Variants in NRXN3 observed in about 807,000 individuals in gnomAD.
NRXN3 encodes the protein neurexin 3.
In NRXN3, 32 loss-of-function variants were observed where a neutral mutation model predicts 137.6. The observed-to-expected ratio is 0.23, with a 90% confidence interval of 0.18 to 0.31. The LOEUF (loss-of-function observed/expected upper bound fraction) is 0.31, where lower values mean the gene tolerates loss of function less well. Among genes scored for constraint, NRXN3 ranks in the 10% least tolerant of loss-of-function variants. The pLI, the probability that NRXN3 is intolerant of heterozygous loss-of-function variation, is 1.00. For synonymous variants in NRXN3, 798 were observed against 784.5 expected, an observed-to-expected ratio of 1.02 and a Z score of -0.29; for missense variants, 1,574 against 2,062.5, an observed-to-expected ratio of 0.76 and a Z score of 4.59.
At chr14:79,453,226 G>C (rs1409929199) in intron 15 of NRXN3, among the ~76,000 whole-genome samples, 2 of 152,124 alleles carry the variant, frequency 1.3e-5, no homozygotes, top group Non-Finnish European at 2.9e-5. Context: ...TCAGGAGTTT[G>C]AGACCAGCCT....
At chr14:79,517,093 C>CA (rs368567195) in intron 16 of NRXN3, among the ~76,000 whole-genome samples, 1 of 23,350 alleles carries the variant, frequency 4.3e-5, no homozygotes, top group East Asian at 8.4e-4. Context: ...AAATGTACAG[C>CA]CCCCCCCCCC....
chr14:78,493,178 A>G (rs1189394389), intron 4 of NRXN3, among the ~76,000 whole-genome samples: 1 of 152,056 alleles, frequency 6.6e-6, no homozygotes, highest in Non-Finnish European at 1.5e-5. Flanking sequence ...CCCAACTCCT[A>G]GCCACTTCAG....
At chr14:79,073,304 T>C (rs2099690741) in intron 15 of NRXN3, among the ~76,000 whole-genome samples, 1 of 152,168 alleles carries the variant, frequency 6.6e-6, no homozygotes, top group African/African-American at 2.4e-5. Context: ...ATTCTACAGA[T>C]AGAGTTTAGA....
chr14:79,865,376 C>T lies in NRXN3; in HGVS notation c.*3412C>T, dbSNP rs991573921. 8 of 152,198 alleles carry T rather than the reference C, an allele frequency of 5.3e-5. No individual in the cohort carries two copies. The highest frequency in any genetic ancestry group is 1.9e-4 in the African/African-American group (8 of 41,452). 9.4% of individuals were successfully genotyped at this position (152,198 alleles called of 1,614,324 possible). A position where few individuals can be genotyped will look rare whatever the true frequency, so the allele number is the denominator to read the frequency against. ...TTACTTGGCCAATTGGATAATCCATCTACCCTTTGTTCTTCACTGTAATCT... is the reference window on the plus strand; with the variant it reads ...TTACTTGGCCAATTGGATAATCCATTTACCCTTTGTTCTTCACTGTAATCT... On this transcript the variant is annotated 3_prime_UTR_variant, in exon 21 of 21. Coordinates refer to ENST00000335750, the MANE Select transcript of NRXN3 (RefSeq NM_001330195.2).
chr14:79,388,627 G>T (rs375675224), intron 15 of NRXN3, among the ~76,000 whole-genome samples: 9 of 151,958 alleles, frequency 5.9e-5, no homozygotes, highest in Admixed American at 5.9e-4. Flanking sequence ...GCTAGATCTC[G>T]GTTCATTCTG....
chr14:78,461,596 T>G (rs1438180277), intron 4 of NRXN3, among the ~76,000 whole-genome samples: 3 of 152,226 alleles, frequency 2.0e-5, no homozygotes, highest in Non-Finnish European at 4.4e-5. Context: ...CCATTTTTAG[T>G]GTCTGTCCAT....
intron 15 of NRXN3, among the ~76,000 whole-genome samples, chr14:79,378,274 A>G (rs964335340): frequency 6.6e-6 from 1 of 152,166 alleles, no homozygotes; most frequent in African/African-American, 2.4e-5. Flanking sequence ...CACACAGACC[A>G]CATACAATTT....
chr14:79,469,717 G>GA (rs1268491286), intron 16 of NRXN3, among the ~76,000 whole-genome samples: 1 of 152,066 alleles, frequency 6.6e-6, no homozygotes, highest in Non-Finnish European at 1.5e-5. Flanking sequence ...CAGAAAAAAG[G>GA]AAAAAAGGAT....
At chr14:79,416,047 A>G (rs1005808948) in intron 15 of NRXN3, among the ~76,000 whole-genome samples, 5 of 152,116 alleles carry the variant, frequency 3.3e-5, no homozygotes, top group African/African-American at 2.4e-5. Context: ...TATGAAGCTT[A>G]AAATAAAGTG....
chr14:79,662,581 A>G (rs1023459444), intron 16 of NRXN3, among the ~76,000 whole-genome samples: 5 of 152,168 alleles, frequency 3.3e-5, no homozygotes, highest in Non-Finnish European at 7.3e-5. Flanking sequence ...TCACATTGCT[A>G]TAAAGAAATA....
At chr14:78,967,183 T>TG in intron 12 of NRXN3, 25 bp from the exon 13 acceptor site, 2 of 1,511,306 alleles carry the variant, frequency 1.3e-6, no homozygotes, top group Non-Finnish European at 1.8e-6. Context: ...TTCCAATTAT[T>TG]GTTTTTTTTT....
At chr14:78,720,328 A>G (rs2098453961) in intron 8 of NRXN3, among the ~76,000 whole-genome samples, 1 of 152,196 alleles carries the variant, frequency 6.6e-6, no homozygotes, top group Admixed American at 6.5e-5. Flanking sequence ...ATTAATAGCT[A>G]CTTAATACAT....
At chr14:78,699,593 T>C (rs999651384) in intron 6 of NRXN3, among the ~76,000 whole-genome samples, 1 of 152,218 alleles carries the variant, frequency 6.6e-6, no homozygotes. Context: ...TTCGTCATCT[T>C]TTTAATCAAA....
At chr14:79,679,076 T>C (rs1342084947) in intron 17 of NRXN3, among the ~76,000 whole-genome samples, 1 of 152,094 alleles carries the variant, frequency 6.6e-6, no homozygotes, top group Non-Finnish European at 1.5e-5. Flanking sequence ...ATTCACATCT[T>C]TTATTATTAG....
chr14:79,469,380 T>G (rs1035780543), intron 16 of NRXN3, among the ~76,000 whole-genome samples: 1 of 151,770 alleles, frequency 6.6e-6, no homozygotes, highest in Admixed American at 6.6e-5. Flanking sequence ...TCCAGTATAT[T>G]TTAATATACC....
At chr14:79,195,935 A>T (rs904531198) in intron 15 of NRXN3, among the ~76,000 whole-genome samples, 3 of 152,174 alleles carry the variant, frequency 2.0e-5, no homozygotes, top group African/African-American at 7.2e-5. Context: ...AATAGTACTA[A>T]TGTATTTTTA....
chr14:78,382,311 G>C (rs866594144), intron 4 of NRXN3, among the ~76,000 whole-genome samples: 1 of 152,170 alleles, frequency 6.6e-6, no homozygotes, highest in Non-Finnish European at 1.5e-5. Context: ...GTGGAAGAGA[G>C]GATTTGTGGG....
intron 19 of NRXN3, among the ~76,000 whole-genome samples, chr14:79,761,883 A>T (rs1391734900): frequency 6.6e-6 from 1 of 151,630 alleles, no homozygotes; most frequent in Non-Finnish European, 1.5e-5. Context: ...AGGATGTCTT[A>T]TCTATCAGAC....
intron 1 of NRXN3, among the ~76,000 whole-genome samples, chr14:78,219,999 A>G (rs947647891): frequency 6.6e-6 from 1 of 152,188 alleles, no homozygotes; most frequent in Admixed American, 6.5e-5. Flanking sequence ...TATTGAGAAG[A>G]TAGCATCAGA....
Sources: allele counts gnomAD v4.1 joint callset (sites outside exome capture counted in the v4.1 genomes callset), GRCh38; gene constraint gnomAD v4.1.1; transcripts MANE v1.5; gene names NCBI Gene and HGNC (gene_info 2026-07-23, HGNC 2026-07-21).